Variants in PCNX2 observed in about 807,000 individuals in gnomAD.
PCNX2 encodes pecanex 2, also known as pecanex-like protein 2.
PCNX2 carries 168 observed loss-of-function variants against 223.8 expected under a neutral mutation model. The observed-to-expected ratio is 0.75, with a 90% CI of 0.66 to 0.85. The LOEUF (loss-of-function observed/expected upper bound fraction) is 0.85, where lower values mean the gene tolerates loss of function less well. PCNX2 is among the 40% of genes least tolerant of loss of function. The probability of loss-of-function intolerance (pLI) is 0.00; values close to 1 mark genes in which losing one functional copy is unlikely to be tolerated. For synonymous variants in PCNX2, 1,006 were observed against 1,052.6 expected (o/e 0.96, Z 0.86); for missense variants, 2,507 against 2,675.5 (o/e 0.94, Z 1.39).
chr1:233,052,549 G>A (rs543774441), intron 25 of PCNX2, among the ~76,000 whole-genome samples: 2 of 152,266 alleles, frequency 1.3e-5, no homozygotes, highest in Admixed American at 1.3e-4. Flanking sequence ...TGACACCAGT[G>A]CCTCTCCTCT....
At chr1:233,041,186 T>C (rs1671632295) in intron 25 of PCNX2, among the ~76,000 whole-genome samples, 1 of 151,136 alleles carries the variant, frequency 6.6e-6, no homozygotes, top group Admixed American at 6.6e-5. Flanking sequence ...ACATCCACAA[T>C]GTTGAATGTG....
intron 33 of PCNX2, chr1:232,985,003 C>A (rs1308765015): frequency 6.6e-6 from 1 of 152,320 alleles, no homozygotes; most frequent in Non-Finnish European, 1.5e-5. Flanking sequence ...ATACTTTGTA[C>A]ATTTTTATTG....
At chr1:233,033,507 A>G (rs1052185085) in intron 25 of PCNX2, among the ~76,000 whole-genome samples, 2 of 152,232 alleles carry the variant, frequency 1.3e-5, no homozygotes, top group South Asian at 4.1e-4. Context: ...ATTCCTTGGA[A>G]GGATCATAGC....
intron 21 of PCNX2, among the ~76,000 whole-genome samples, chr1:233,116,630 A>C (rs1675424545): frequency 6.6e-6 from 1 of 152,166 alleles, no homozygotes; most frequent in African/African-American, 2.4e-5. Context: ...ACACTTCAAA[A>C]TTTGTGGAGC....
chr1:233,217,733 G>A (rs1306506089), intron 12 of PCNX2, among the ~76,000 whole-genome samples, 166 bp downstream of exon 12: 2 of 152,008 alleles, frequency 1.3e-5, no homozygotes, highest in East Asian at 3.9e-4. Flanking sequence ...GACTTAGCTG[G>A]AAGCTGGCCA....
chr1:233,011,094 C>G (rs530059131), intron 28 of PCNX2, among the ~76,000 whole-genome samples: 1 of 152,270 alleles, frequency 6.6e-6, no homozygotes, highest in South Asian at 2.1e-4. Flanking sequence ...AACCATATAG[C>G]ACATATGCAA....
intron 1 of PCNX2, among the ~76,000 whole-genome samples, chr1:233,270,746 CTCTT>C (rs1158194745): frequency 1.3e-5 from 2 of 152,076 alleles, no homozygotes; most frequent in Admixed American, 6.5e-5. Context: ...GCTCCTGGAC[CTCTT>C]TCTTAGTGTG....
At chr1:233,122,500 A>G (rs980614362) in intron 21 of PCNX2, among the ~76,000 whole-genome samples, 6 of 151,348 alleles carry the variant, frequency 4.0e-5, no homozygotes, top group African/African-American at 1.5e-4. Flanking sequence ...TAATGGTAAT[A>G]TGATGATTCA....
intron 23 of PCNX2, among the ~76,000 whole-genome samples, chr1:233,080,842 A>G (rs1673326906): frequency 6.6e-6 from 1 of 152,188 alleles, no homozygotes; most frequent in Admixed American, 6.5e-5. Context: ...ATGCATTTTC[A>G]TATTTCCCAA....
chr1:233,308,081 G>A, the PCNX2 span, among the ~76,000 whole-genome samples: 1 of 152,158 alleles, frequency 6.6e-6, no homozygotes, highest in Admixed American at 6.5e-5. Context: ...CAAAGTTATG[G>A]CTTATGATTA....
intron 10 of PCNX2, 66 bp downstream of exon 10, chr1:233,227,160 T>A (rs1657785596): frequency 6.8e-7 from 1 of 1,480,778 alleles, no homozygotes; most frequent in African/African-American, 1.4e-5. Context: ...TTTGAAAGCA[T>A]GCAGTGGGCA....
chr1:233,286,810 C>T (rs1224680920), intron 1 of PCNX2, among the ~76,000 whole-genome samples: 1 of 152,090 alleles, frequency 6.6e-6, no homozygotes, highest in African/African-American at 2.4e-5. Context: ...TTCCTGCTCT[C>T]CAAAGCCAAG....
rs557475032 is a variant in PCNX2, at chr1:233,187,622, CT to C, written c.3067-8448del. Among the ~76,000 whole-genome samples the C allele has an allele frequency of 9.2e-5, 14 of 152,210 alleles. No individual in the cohort carries two copies. In the South Asian group the frequency reaches 2.9e-3, roughly 32 times the overall value. ...AACTTCTGAGCTATCAATCAATATT[CT>C]TCCTGTTTTTTCCCCAAATCAGTGT... On this transcript the variant is annotated intron_variant, in intron 15 of 33. Transcript: ENST00000258229.
intron 5 of PCNX2, among the ~76,000 whole-genome samples, chr1:233,257,460 A>C (rs1284294324): frequency 6.6e-6 from 1 of 152,214 alleles, no homozygotes; most frequent in Non-Finnish European, 1.5e-5. Context: ...AACATGTGTA[A>C]ATGAGAACCC....
intron 8 of PCNX2, among the ~76,000 whole-genome samples, chr1:233,242,978 G>A (rs1311851499): frequency 6.6e-6 from 1 of 152,140 alleles, no homozygotes; most frequent in African/African-American, 2.4e-5. Context: ...TGGTTTCTGG[G>A]GAAAGCAGAA....
At chr1:233,140,820 G>C (rs12087113) in intron 19 of PCNX2, among the ~76,000 whole-genome samples, 92,204 of 152,010 alleles carry the variant, frequency 0.61, 29,425 homozygotes, top group African/African-American at 0.81. Context: ...AGCACAGCAG[G>C]TTCAGGCCCA....
intron 12 of PCNX2, among the ~76,000 whole-genome samples, chr1:233,209,251 A>G (rs1330417570): frequency 6.6e-6 from 1 of 152,196 alleles, no homozygotes; most frequent in African/African-American, 2.4e-5. Context: ...TGTTATTTAT[A>G]CTATGTACAC....
intron 13 of PCNX2, among the ~76,000 whole-genome samples, chr1:233,202,689 T>C (rs1230029315): frequency 6.6e-6 from 1 of 152,214 alleles, no homozygotes; most frequent in Non-Finnish European, 1.5e-5. Context: ...TGATTTGTTC[T>C]AAAACCTCCA....
intron 32 of PCNX2, 81 bp from the exon 33 acceptor site, chr1:232,986,621 T>A: frequency 5.2e-6 from 7 of 1,345,320 alleles, no homozygotes; most frequent in Non-Finnish European, 6.9e-6. Flanking sequence ...GGTGGCCTGC[T>A]CTGCCTGGGC....
Sources: allele counts gnomAD v4.1 joint callset (sites outside exome capture counted in the v4.1 genomes callset), GRCh38; gene constraint gnomAD v4.1.1; transcripts MANE v1.5; gene names NCBI Gene and HGNC (gene_info 2026-07-23, HGNC 2026-07-21).